The following LDHC variants were observed in gnomAD, a reference collection of about 807,000 sequenced individuals.
The protein encoded by LDHC is lactate dehydrogenase C.
A neutral mutation model predicts 30.2 loss-of-function variants in LDHC; 20 were observed. The observed-to-expected ratio is 0.66, with a 90% CI of 0.47 to 0.96. LDHC has a LOEUF of 0.96. LDHC is among the 40% of genes least tolerant of loss of function. The pLI, the probability that LDHC is intolerant of heterozygous loss-of-function variation, is 0.00. For synonymous variants in LDHC, 139 were observed against 132.7 expected (o/e 1.05, Z -0.32); for missense variants, 362 against 394.9 (o/e 0.92, Z 0.71).
chr11:18,447,513 A>G (rs554904548), intron 7 of LDHC, among the ~76,000 whole-genome samples: 1 of 152,260 alleles, frequency 6.6e-6, no homozygotes, highest in East Asian at 1.9e-4. Flanking sequence ...TCATAAGTGA[A>G]AAAAGTCTAG....
At position 18,451,516 on chromosome 11, in the gene LDHC, T is replaced by C. The variant is rs1173854805; in HGVS notation, c.*389T>C. ...TTTCATCCGTTAGAGTACCAGCATATTCACTTCATTACATTAGCGTCATAT... is the reference window on the plus strand; with the variant it reads ...TTTCATCCGTTAGAGTACCAGCATACTCACTTCATTACATTAGCGTCATAT... On this transcript the variant is annotated 3_prime_UTR_variant, in exon 8 of 8. Coordinates refer to ENST00000541669, the MANE Select transcript of LDHC (RefSeq NM_017448.5). The C allele has an allele frequency of 6.5e-6, 1 of 153,442 alleles. No individual in the cohort carries two copies. Among genetic ancestry groups the C allele is most frequent in the Non-Finnish European group, 1.4e-5 (1 of 68,990 alleles). 9.5% of individuals were successfully genotyped at this position (153,442 alleles called of 1,614,324 possible).
chr11:18,412,478 T>A, intron 1 of LDHC, 70 bp downstream of exon 1: 1 of 451,688 alleles, frequency 2.2e-6, no homozygotes, highest in Non-Finnish European at 4.1e-6. Context: ...CGTGTGGTGC[T>A]GGGGTGAAAG....
chr11:18,438,488 A>G (rs1009681258), intron 5 of LDHC, 40 bp from the exon 6 acceptor site: 2 of 1,289,660 alleles, frequency 1.6e-6, no homozygotes, highest in African/African-American at 2.9e-5. Flanking sequence ...CTGATGCCAT[A>G]TTGGGAAGAA....
intron 3 of LDHC, among the ~76,000 whole-genome samples, chr11:18,418,453 G>A (rs971541603): frequency 2.0e-5 from 3 of 151,338 alleles, no homozygotes; most frequent in African/African-American, 7.3e-5. Flanking sequence ...TTTTTGAGAT[G>A]GAGTCTTGCT....
intron 7 of LDHC, among the ~76,000 whole-genome samples, chr11:18,449,123 C>T (rs1455704088): frequency 4.6e-5 from 7 of 152,022 alleles, no homozygotes; most frequent in Non-Finnish European, 1.0e-4. Flanking sequence ...GGGACTTCTT[C>T]CCCTGCCACC....
intron 5 of LDHC, among the ~76,000 whole-genome samples, chr11:18,438,259 T>C (rs75647856): frequency 0.15 from 22,702 of 152,022 alleles, 1,876 homozygotes; most frequent in African/African-American, 0.21. Context: ...AGGTGCCATA[T>C]ACTTTTAAAC....
At chr11:18,435,714 A>G (rs1182847450) in intron 5 of LDHC, among the ~76,000 whole-genome samples, 1 of 152,186 alleles carries the variant, frequency 6.6e-6, no homozygotes, top group African/African-American at 2.4e-5. Context: ...ACATCACCAC[A>G]ATCTAAATAC....
chr11:18,448,595 A>G (rs1364764466), intron 7 of LDHC, among the ~76,000 whole-genome samples: 1 of 152,100 alleles, frequency 6.6e-6, no homozygotes, highest in African/African-American at 2.4e-5. Flanking sequence ...GTTATATTTT[A>G]TAGGGAACAT....
At chr11:18,440,971 A>T (rs563138312) in intron 6 of LDHC, among the ~76,000 whole-genome samples, 50 of 151,858 alleles carry the variant, frequency 3.3e-4, no homozygotes, top group African/African-American at 9.6e-4. Context: ...AAAATAAATT[A>T]AAAAATTAAC....
chr11:18,451,666 A>C lies in LDHC; in HGVS notation c.*539A>C, dbSNP rs1244222696. ...GACCATATATATCAAAAAGAAATAA[A>C]AAGCTGAGTGCTGTGGCTCATGGCT... On this transcript the variant is annotated 3_prime_UTR_variant, in exon 8 of 8. Coordinates refer to ENST00000541669, the MANE Select transcript of LDHC (RefSeq NM_017448.5). The C allele has an allele frequency of 9.9e-5, 15 of 152,180 alleles. No homozygotes were observed. 9.4% of individuals were successfully genotyped at this position (152,180 alleles called of 1,614,324 possible). A position where few individuals can be genotyped will look rare whatever the true frequency, so the allele number is the denominator to read the frequency against.
intron 2 of LDHC, among the ~76,000 whole-genome samples, chr11:18,413,129 T>G (rs1216102547): frequency 6.6e-6 from 1 of 151,902 alleles, no homozygotes; most frequent in African/African-American, 2.4e-5. Flanking sequence ...TTACCCAGGT[T>G]GGAGTGCAGT....
intron 3 of LDHC, among the ~76,000 whole-genome samples, chr11:18,417,696 G>T (rs753815372): frequency 1.3e-5 from 2 of 152,112 alleles, no homozygotes; most frequent in Non-Finnish European, 2.9e-5. Context: ...AAACCTAGAA[G>T]GACAATTTTT....
intron 6 of LDHC, among the ~76,000 whole-genome samples, chr11:18,439,563 C>CAAAA (rs34511927): frequency 3.5e-4 from 21 of 59,316 alleles, no homozygotes; most frequent in African/African-American, 7.1e-4. Context: ...AACTCCATCT[C>CAAAA]AAAAAAAAAA....
intron 5 of LDHC, among the ~76,000 whole-genome samples, chr11:18,435,122 A>G (rs1052171300): frequency 2.0e-5 from 3 of 152,208 alleles, no homozygotes; most frequent in Admixed American, 6.6e-5. Flanking sequence ...CAAAGCATAT[A>G]GCTGTTTTAA....
chr11:18,442,357 G>C (rs546144821), intron 6 of LDHC, among the ~76,000 whole-genome samples: 1 of 152,240 alleles, frequency 6.6e-6, no homozygotes, highest in South Asian at 2.1e-4. Flanking sequence ...CAAATCCACT[G>C]TTAACCCTTT....
intron 3 of LDHC, among the ~76,000 whole-genome samples, chr11:18,416,205 C>A (rs1225526927): frequency 6.6e-6 from 1 of 152,058 alleles, no homozygotes; most frequent in Non-Finnish European, 1.5e-5. Context: ...CAAGAATATA[C>A]AATCTTGAAG....
At chr11:18,439,811 TAAAAAAAAAA>T (rs71047596) in intron 6 of LDHC, among the ~76,000 whole-genome samples, 4 of 64,192 alleles carry the variant, frequency 6.2e-5, no homozygotes, top group Non-Finnish European at 1.1e-4. Context: ...CCGTCTCTAC[TAAAAAAAAAA>T]AAAAAAAAAA....
chr11:18,447,134 AT>A lies in LDHC; in HGVS notation c.834+818del, dbSNP rs1316943953. On this transcript the variant is annotated intron_variant, in intron 7 of 7. Coordinates refer to ENST00000541669, the MANE Select transcript of LDHC (RefSeq NM_017448.5). ...ATTGGAAGCATCTGATGACTTCTCT[AT>A]TTTTTTTTTTTTTTTTGAGACGGAG... 5.5e-3 allele frequency among the ~76,000 whole-genome samples: 766 copies of A among 138,784 alleles called. 4 individuals are homozygous for A. The highest frequency in any genetic ancestry group is 0.013 in the African/African-American group (485 of 38,070). 91.0% of individuals were successfully genotyped at this position (138,784 alleles called of 152,430 possible). A position where few individuals can be genotyped will look rare whatever the true frequency, so the allele number is the denominator to read the frequency against.
At chr11:18,434,181 A>G (rs1848316513) in intron 4 of LDHC, among the ~76,000 whole-genome samples, 6 of 149,466 alleles carry the variant, frequency 4.0e-5, no homozygotes, top group Admixed American at 4.0e-4. Context: ...TAAGCTATTT[A>G]TTTATGTGAA....
Sources: allele counts gnomAD v4.1 joint callset (sites outside exome capture counted in the v4.1 genomes callset), GRCh38; gene constraint gnomAD v4.1.1; transcripts MANE v1.5; gene names NCBI Gene and HGNC (gene_info 2026-07-23, HGNC 2026-07-21).